The following ANKS6 variants were observed in gnomAD, a reference collection of about 807,000 sequenced individuals.
The protein encoded by ANKS6 is ankyrin repeat and sterile alpha motif domain containing 6, also known as ankyrin repeat and SAM domain-containing protein 6.
Under a neutral mutation model 77.9 loss-of-function variants are expected in ANKS6, and 47 were observed. The observed-to-expected ratio is 0.60, with a 90% CI of 0.48 to 0.77. The LOEUF is 0.77. ANKS6 is among the 30% of genes least tolerant of loss of function. The pLI is 0.00. For synonymous variants in ANKS6, 488 were observed against 501.7 expected (o/e 0.97, Z 0.37); for missense variants, 1,150 against 1,159.1 (o/e 0.99, Z 0.11).
rs11792301 is a variant in ANKS6, at chr9:98,739,033, A to G, written c.2512-2410T>C. ...ACTCAGGACTGAAGTAACCAAAAAT[A>G]ATATGTTCTCACTTGTAAGTGGGAG... On this transcript the variant is annotated intron_variant, in intron 14 of 14. Coordinates refer to ENST00000353234, the MANE Select transcript of ANKS6 (RefSeq NM_173551.5). 5.3e-3 allele frequency among the ~76,000 whole-genome samples: 802 copies of G among 152,118 alleles called. 6 individuals carry two copies. Among genetic ancestry groups the G allele is most frequent in the South Asian group, 0.024 (114 of 4,818 alleles).
intron 14 of ANKS6, among the ~76,000 whole-genome samples, chr9:98,740,373 G>C (rs1831757979): frequency 6.6e-6 from 1 of 152,204 alleles, no homozygotes; most frequent in Admixed American, 6.5e-5. Flanking sequence ...CAGAGCATTG[G>C]ATGCCAAGTC....
rs534220693 is a variant in ANKS6, at chr9:98,782,644, A to C, written c.1113-71T>G. 17 of 1,186,728 alleles carry C rather than the reference A, an allele frequency of 1.4e-5. No individual in the cohort carries two copies. In the South Asian group the frequency reaches 1.6e-4, roughly 11 times the overall value. 73.5% of individuals were successfully genotyped at this position (1,186,728 alleles called of 1,614,324 possible). A position where few individuals can be genotyped will look rare whatever the true frequency, so the allele number is the denominator to read the frequency against. On this transcript the variant is annotated intron_variant, in intron 4 of 14. Transcript: ENST00000353234. ...GCTTTGCTCCTGGGCAACAAAACCA[A>C]CATTAACTACAAAGCTCAGTCTCTG...
intron 6 of ANKS6, among the ~76,000 whole-genome samples, chr9:98,779,562 T>G (rs974359966): frequency 6.6e-6 from 1 of 152,176 alleles, no homozygotes; most frequent in Non-Finnish European, 1.5e-5. Context: ...TCTAGTAATA[T>G]GGACCCACAT....
rs1479444459 is a variant in ANKS6 at position 98,734,212 on chromosome 9, C to T, written c.*2307G>A. On this transcript the variant is annotated 3_prime_UTR_variant, in exon 15 of 15. Coordinates refer to ENST00000353234, the MANE Select transcript of ANKS6 (RefSeq NM_173551.5). Reference sequence around the variant, plus strand: ...ATGAAAAGCCTTGGACACTTGAGTCCAGTGAAAAAGAAAGGAAAGGCATTG... The same window carrying T: ...ATGAAAAGCCTTGGACACTTGAGTCTAGTGAAAAAGAAAGGAAAGGCATTG... The T allele has an allele frequency of 1.0e-6, 1 of 985,270 alleles. No homozygotes were observed. The allele number at this position is 985,270 out of a possible 1,614,324, so 61.0% of individuals were successfully genotyped here.
Position 98,735,236 on chromosome 9 carries a change from A to G in ANKS6, c.*1283T>C, listed in dbSNP as rs1262310216. ...ACTTTGAACCTGAGTCCAGAGCACA[A>G]GGTCTGCCCACTCTACCATGCTGCC... is the stretch of plus-strand genomic sequence containing the variant. On this transcript the variant is annotated 3_prime_UTR_variant, in exon 15 of 15. Transcript: ENST00000353234. 3 of 986,848 alleles carry G rather than the reference A, an allele frequency of 3.0e-6. No homozygotes were observed. In the East Asian group the frequency reaches 3.4e-4, roughly 111 times the overall value. 61.1% of individuals were successfully genotyped at this position (986,848 alleles called of 1,614,324 possible). A position where few individuals can be genotyped will look rare whatever the true frequency, so the allele number is the denominator to read the frequency against.
chr9:98,757,584 T>C (rs1832783671), intron 11 of ANKS6, among the ~76,000 whole-genome samples: 1 of 152,174 alleles, frequency 6.6e-6, no homozygotes, highest in Non-Finnish European at 1.5e-5. Flanking sequence ...ATCACTTACA[T>C]GAGGGGATGT....
intron 6 of ANKS6, among the ~76,000 whole-genome samples, 153 bp from the exon 7 acceptor site, chr9:98,778,577 C>A (rs1299313699): frequency 6.6e-6 from 1 of 152,218 alleles, no homozygotes; most frequent in African/African-American, 2.4e-5. Context: ...AATGATAGCA[C>A]CCATTCCCAA....
chr9:98,771,383 A>G (rs1720688851), intron 9 of ANKS6, among the ~76,000 whole-genome samples: 1 of 152,138 alleles, frequency 6.6e-6, no homozygotes, highest in South Asian at 2.1e-4. Context: ...ATCCAGGACA[A>G]AATCCAGCCC....
chr9:98,733,058 A>G lies in ANKS6; in HGVS notation c.*3461T>C. 1 of 812,310 alleles carries G rather than the reference A, an allele frequency of 1.2e-6. No homozygotes were observed. Among genetic ancestry groups the G allele is most frequent in the African/African-American group, 1.9e-5 (1 of 53,602 alleles). 50.3% of individuals were successfully genotyped at this position (812,310 alleles called of 1,614,324 possible). ...AGCTGTATACCCAGCAGGCTTCATCACCACACCATCTCACCGACATGATTG... is the reference window on the plus strand; with the variant it reads ...AGCTGTATACCCAGCAGGCTTCATCGCCACACCATCTCACCGACATGATTG... On this transcript the variant is annotated 3_prime_UTR_variant, in exon 15 of 15. Coordinates refer to ENST00000353234, the MANE Select transcript of ANKS6 (RefSeq NM_173551.5).
At chr9:98,784,417 G>C (rs1018849992) in intron 3 of ANKS6, 3 of 397,010 alleles carry the variant, frequency 7.6e-6, no homozygotes, top group Non-Finnish European at 8.7e-6. Flanking sequence ...TCAGAGAACG[G>C]ATGAAGGAGA....
chr9:98,748,680 G>C (rs529499560), intron 13 of ANKS6, among the ~76,000 whole-genome samples: 11 of 152,250 alleles, frequency 7.2e-5, no homozygotes, highest in Admixed American at 4.6e-4. Flanking sequence ...ACACTAGTGG[G>C]GGTGGAGCAG....
At chr9:98,786,830 AC>A (rs1264709884) in intron 2 of ANKS6, among the ~76,000 whole-genome samples, 19 of 152,228 alleles carry the variant, frequency 1.2e-4, no homozygotes, top group African/African-American at 4.3e-4. Context: ...ACCATCTGAC[AC>A]AAGTTAATCA....
At chr9:98,737,114 C>T (rs914899415) in intron 14 of ANKS6, among the ~76,000 whole-genome samples, 11 of 152,166 alleles carry the variant, frequency 7.2e-5, no homozygotes, top group African/African-American at 1.2e-4. Context: ...ATTCCTACAA[C>T]GCCCCCTGCC....
intron 1 of ANKS6, among the ~76,000 whole-genome samples, chr9:98,793,606 C>T (rs1235864767): frequency 1.3e-5 from 2 of 151,910 alleles, no homozygotes; most frequent in Non-Finnish European, 2.9e-5. Flanking sequence ...CTGCAACCTC[C>T]GCCTCCCAGG....
rs60911313 is a variant in ANKS6 at position 98,780,247 on chromosome 9, G to A, written c.1310C>T (p.Ser437Leu). Residue 437 changes from serine (S) to leucine (L), a missense_variant, in exon 6 of 15, where the codon TCG becomes TTG. By Grantham distance (145) the Ser-to-Leu change is moderately radical. Coordinates refer to ENST00000353234, the MANE Select transcript of ANKS6 (RefSeq NM_173551.5). ...GATGCTCCAGGGCTGTCGGACCTTC[G>A]AGTGGGGCAGGGGAGGCTGGTGGCT... ...RPSHQPPLPH[S>L]KVRQPWSIPV... is the part of the protein sequence containing the mutation. 4.3e-5 allele frequency: 70 copies of A among 1,613,936 alleles called. No homozygotes were observed. The African/African-American group carries it at 4.4e-4, about 10-fold the overall frequency.
At chr9:98,773,074 G>T (rs955910926) in intron 9 of ANKS6, among the ~76,000 whole-genome samples, 3 of 152,174 alleles carry the variant, frequency 2.0e-5, no homozygotes, top group African/African-American at 7.2e-5. Context: ...CTCAGGGATG[G>T]GTTCTACAAC....
intron 12 of ANKS6, among the ~76,000 whole-genome samples, chr9:98,751,346 G>C (rs749846254): frequency 1.4e-5 from 2 of 147,292 alleles, no homozygotes; most frequent in African/African-American, 2.7e-5. Context: ...TGAAGACACA[G>C]AGAGTCTGGG....
intron 2 of ANKS6, among the ~76,000 whole-genome samples, chr9:98,785,200 T>TG (rs1834499984): frequency 6.6e-6 from 1 of 152,220 alleles, no homozygotes. Flanking sequence ...TGAAAAGTCT[T>TG]GGGGTCTTAG....
chr9:98,776,157 C>T (rs745680939), intron 8 of ANKS6, among the ~76,000 whole-genome samples: 25 of 152,184 alleles, frequency 1.6e-4, no homozygotes, highest in Non-Finnish European at 2.9e-4. Flanking sequence ...CAAGTTCACA[C>T]CACGGAGCTT....
Sources: gnomAD v4.1 joint callset for allele counts (sites outside exome capture counted in the v4.1 genomes callset) on GRCh38, gnomAD v4.1.1 for gene constraint, MANE v1.5 for transcripts, NCBI Gene and HGNC (gene_info 2026-07-23, HGNC 2026-07-21) for gene names.